The following PTPRA variants were observed in gnomAD, a reference collection of about 807,000 sequenced individuals.
The protein encoded by PTPRA is protein tyrosine phosphatase receptor type A.
Under a neutral mutation model 104.8 loss-of-function variants are expected in PTPRA, and 25 were observed. The observed-to-expected ratio is 0.24, with a 90% CI of 0.17 to 0.33. The LOEUF (loss-of-function observed/expected upper bound fraction) is 0.33, where lower values mean the gene tolerates loss of function less well. Ranked by LOEUF, PTPRA falls within the 10% of genes least tolerant of loss-of-function variation. The probability of loss-of-function intolerance (pLI) is 1.00; values close to 1 mark genes in which losing one functional copy is unlikely to be tolerated. For missense variants in PTPRA, 765 were observed against 1,015.3 expected (o/e 0.75, Z 3.35); for synonymous variants, 323 against 368.9 (o/e 0.88, Z 1.43).
chr20:2,968,162 A>C (rs2062013864), intron 5 of PTPRA, among the ~76,000 whole-genome samples: 1 of 152,190 alleles, frequency 6.6e-6, no homozygotes, highest in African/African-American at 2.4e-5. Context: ...AAAGGGGTCC[A>C]TGGGAGGCAA....
intron 1 of PTPRA, among the ~76,000 whole-genome samples, chr20:2,907,939 T>G (rs2059486743): frequency 6.6e-6 from 1 of 152,026 alleles, no homozygotes; most frequent in Non-Finnish European, 1.5e-5. Flanking sequence ...TAAAAAATAA[T>G]TTTTTTGTTA....
chr20:2,991,877 G>T (rs1257863717), intron 9 of PTPRA, among the ~76,000 whole-genome samples: 1 of 152,198 alleles, frequency 6.6e-6, no homozygotes, highest in African/African-American at 2.4e-5. Context: ...ACTACCCAGC[G>T]ATTGGTTTAG....
chr20:2,906,484 C>T (rs952668094), intron 1 of PTPRA, among the ~76,000 whole-genome samples: 1 of 152,056 alleles, frequency 6.6e-6, no homozygotes, highest in Non-Finnish European at 1.5e-5. Flanking sequence ...AAGGGTAATA[C>T]GTACGTTCTG....
At chr20:2,865,522 A>G in the PTPRA span, 3 of 1,602,676 alleles carry the variant, frequency 1.9e-6, no homozygotes, top group South Asian at 3.3e-5. This position sits in a 1 kb window ranked among gnomAD's most constrained non-coding sequence, Gnocchi z 5.2. Context: ...CCTCCAGCCC[A>G]CTTCCAGTGA....
At chr20:2,992,928 T>C (rs1435318815) in intron 9 of PTPRA, among the ~76,000 whole-genome samples, 3 of 152,278 alleles carry the variant, frequency 2.0e-5, no homozygotes, top group East Asian at 3.9e-4. Flanking sequence ...GCCTGCCTCT[T>C]CAAAAAATTA....
At chr20:2,947,425 A>T (rs1355360563) in intron 2 of PTPRA, among the ~76,000 whole-genome samples, 3 of 152,178 alleles carry the variant, frequency 2.0e-5, no homozygotes, top group Non-Finnish European at 4.4e-5. Context: ...CTCTTATATA[A>T]GGTTTGCTTT....
Position 2,965,158 on chromosome 20 carries a change from A to G in PTPRA, c.371A>G (p.Asn124Ser), listed in dbSNP as rs2061899258. The G allele has an allele frequency of 1.9e-6, 3 of 1,614,168 alleles. No individual in the cohort carries two copies. Among genetic ancestry groups the G allele is most frequent in the South Asian group, 2.2e-5 (2 of 91,080 alleles). The change falls in exon 5 of 24, where the codon AAT becomes AGT. Residue 124 changes from asparagine to serine, a missense_variant. By Grantham distance (46) the Asn-to-Ser change is conservative. Around this residue, in one of 4 missense-constraint regions of PTPRA, gnomAD observed 256 missense variants for 248.9 expected, o/e 1.03. Transcript: ENST00000399903. ...GCCAGAACAGAACCCTGGGAGGGGA[A>G]TTCCAGCACCGCAGCAACCACTCCA... ...TDARTEPWEG[N>S]SSTAATTPET...
At chr20:3,028,728 G>A (rs1348935019) in intron 20 of PTPRA, among the ~76,000 whole-genome samples, 2 of 152,180 alleles carry the variant, frequency 1.3e-5, no homozygotes, top group Non-Finnish European at 2.9e-5. Flanking sequence ...AGCAAGGCCT[G>A]GTGAGAAAAT....
At chr20:2,923,766 C>G (rs368948383) in intron 2 of PTPRA, among the ~76,000 whole-genome samples, 1 of 151,912 alleles carries the variant, frequency 6.6e-6, no homozygotes, top group Non-Finnish European at 1.5e-5. Context: ...ACACTGCATT[C>G]CATTCTGGGC....
chr20:2,873,319 T>C (rs1350921313), upstream of PTPRA: 6 of 152,160 alleles, frequency 3.9e-5, no homozygotes, highest in East Asian at 9.8e-4. This position sits in a 1 kb window ranked among gnomAD's most constrained non-coding sequence, Gnocchi z 4.4. Context: ...CCTCTGGAGC[T>C]ACCAGGAGAA....
At chr20:2,925,373 C>G (rs1212758954) in intron 2 of PTPRA, among the ~76,000 whole-genome samples, 2 of 152,188 alleles carry the variant, frequency 1.3e-5, no homozygotes, top group East Asian at 3.8e-4. Context: ...TTCAAGTCAT[C>G]CATGTTGTAG....
chr20:2,900,567 G>T (rs1053974595), intron 1 of PTPRA, among the ~76,000 whole-genome samples: 2 of 152,068 alleles, frequency 1.3e-5, no homozygotes, highest in Non-Finnish European at 2.9e-5. Flanking sequence ...ATCAAGAAAA[G>T]CTTCTCAGGT....
At chr20:2,870,567 CT>C (rs1398915710), upstream of PTPRA, among the ~76,000 whole-genome samples, 1 of 152,244 alleles carries the variant, frequency 6.6e-6, no homozygotes, top group East Asian at 1.9e-4. Flanking sequence ...CTTCTGTCCT[CT>C]TCTGTCTTAT....
At chr20:3,020,677 G>A (rs997479096) in intron 13 of PTPRA, among the ~76,000 whole-genome samples, 3 of 152,208 alleles carry the variant, frequency 2.0e-5, no homozygotes, top group African/African-American at 4.8e-5. Flanking sequence ...GAGCCCCAGC[G>A]AGGAATACCT....
chr20:2,972,313 C>G (rs1325966805), intron 5 of PTPRA, among the ~76,000 whole-genome samples: 1 of 152,096 alleles, frequency 6.6e-6, no homozygotes, highest in Non-Finnish European at 1.5e-5. Flanking sequence ...TTAAGCAAAC[C>G]CCACCTCAGA....
chr20:3,001,676 G>C (rs189494961), intron 9 of PTPRA, among the ~76,000 whole-genome samples: 1 of 152,176 alleles, frequency 6.6e-6, no homozygotes, highest in Non-Finnish European at 1.5e-5. Context: ...TACTGCGTGT[G>C]TAAGAGTCCA....
chr20:2,948,477 A>G (rs1267056536), intron 3 of PTPRA, among the ~76,000 whole-genome samples: 1 of 152,156 alleles, frequency 6.6e-6, no homozygotes, highest in Non-Finnish European at 1.5e-5. Flanking sequence ...TTATAGTTTC[A>G]TTACATTCAT....
intron 9 of PTPRA, among the ~76,000 whole-genome samples, chr20:3,000,113 G>A (rs1047071976): frequency 6.6e-6 from 1 of 151,978 alleles, no homozygotes; most frequent in African/African-American, 2.4e-5. Flanking sequence ...GTGAGACCCT[G>A]TCTCTACAAA....
intron 12 of PTPRA, among the ~76,000 whole-genome samples, chr20:3,016,905 C>T (rs1211523629): frequency 6.6e-6 from 1 of 152,210 alleles, no homozygotes; most frequent in African/African-American, 2.4e-5. Flanking sequence ...CCCCCTCAGT[C>T]AGACAGACGT....
Sources: allele counts gnomAD v4.1 joint callset (sites outside exome capture counted in the v4.1 genomes callset), GRCh38; gene constraint gnomAD v4.1.1; regional missense constraint gnomAD v4.1.1; non-coding constraint Gnocchi (gnomAD v3.1); transcripts MANE v1.5; gene names NCBI Gene and HGNC (gene_info 2026-07-23, HGNC 2026-07-21).